Variants in NCAM2 observed in about 807,000 individuals in gnomAD.
The protein encoded by NCAM2 is neural cell adhesion molecule 2, also known as N-CAM-2.
Under a neutral mutation model 98.1 loss-of-function variants are expected in NCAM2, and 30 were observed. The ratio of observed to expected loss-of-function variants is 0.31; its 90% CI spans 0.23 to 0.41. The LOEUF is 0.41. Ranked by LOEUF, NCAM2 falls within the 10% of genes least tolerant of loss-of-function variation. NCAM2 has a pLI of 1.00. For synonymous variants in NCAM2, 368 were observed against 342.4 expected, an observed-to-expected ratio of 1.07 and a Z score of -0.83; for missense variants, 867 against 1,005.8, an observed-to-expected ratio of 0.86 and a Z score of 1.87.
At chr21:21,434,173 A>T (rs560689656) in intron 12 of NCAM2, among the ~76,000 whole-genome samples, 4 of 152,352 alleles carry the variant, frequency 2.6e-5, no homozygotes, top group Admixed American at 6.5e-5. Context: ...CACATTCGTT[A>T]CTTTGAAATG....
In NCAM2 at chr21:21,292,260, G is replaced by T. The variant is rs757639076; in HGVS notation, c.619+19G>T. 6.9e-6 allele frequency: 11 copies of T among 1,592,822 alleles called. No individual in the cohort carries two copies. The Admixed American group carries it at 1.9e-4, about 28-fold the overall frequency. On this transcript the variant is annotated intron_variant, in intron 5 of 17. Transcript: ENST00000400546. Reference sequence around the variant, plus strand: ...GTTAATGGTAAGCAGTAAATAATTTGTACATGTTTTATGGATTCATTTTAG... The same window carrying T: ...GTTAATGGTAAGCAGTAAATAATTTTTACATGTTTTATGGATTCATTTTAG...
chr21:21,314,290 G>T (rs904468517), intron 5 of NCAM2, among the ~76,000 whole-genome samples: 4 of 152,064 alleles, frequency 2.6e-5, no homozygotes, highest in Admixed American at 6.6e-5. Context: ...GCTTTGACAG[G>T]TGTGTTCTTT....
At chr21:21,022,324 A>G (rs2064454921) in intron 1 of NCAM2, among the ~76,000 whole-genome samples, 1 of 152,106 alleles carries the variant, frequency 6.6e-6, no homozygotes, top group Non-Finnish European at 1.5e-5. Context: ...CCTTCTCAAT[A>G]CTTTACTTCC....
chr21:21,530,254 A>ATATT (rs1400102213), intron 16 of NCAM2, among the ~76,000 whole-genome samples: 4 of 96,744 alleles, frequency 4.1e-5, no homozygotes, highest in African/African-American at 1.6e-4. Flanking sequence ...TTAATTATAT[A>ATATT]TAATTTAATT....
chr21:21,282,182 AAC>A (rs1336036813), intron 2 of NCAM2, among the ~76,000 whole-genome samples: 1 of 151,922 alleles, frequency 6.6e-6, no homozygotes, highest in Non-Finnish European at 1.5e-5. Flanking sequence ...CATAAATTAG[AAC>A]ACACGAATTG....
chr21:21,108,626 C>A (rs937178238), intron 1 of NCAM2, among the ~76,000 whole-genome samples: 1 of 151,960 alleles, frequency 6.6e-6, no homozygotes, highest in Non-Finnish European at 1.5e-5. Context: ...TTTTCAAATT[C>A]TAATTTGTTG....
intron 16 of NCAM2, among the ~76,000 whole-genome samples, chr21:21,521,127 C>G (rs945239612): frequency 2.0e-5 from 3 of 152,150 alleles, no homozygotes; most frequent in South Asian, 2.1e-4. Context: ...TGGAAATAGC[C>G]AACACCACCC....
At chr21:21,529,959 A>G (rs1989532836) in intron 16 of NCAM2, among the ~76,000 whole-genome samples, 1 of 150,402 alleles carries the variant, frequency 6.6e-6, no homozygotes, top group African/African-American at 2.4e-5. Context: ...CTCTCTGTTG[A>G]TAAAACATAA....
intron 1 of NCAM2, among the ~76,000 whole-genome samples, chr21:21,068,616 T>A (rs62207580): frequency 6.6e-6 from 1 of 151,828 alleles, no homozygotes; most frequent in Non-Finnish European, 1.5e-5. Context: ...TGTGCCACCA[T>A]GCCTGGCTAA....
intron 1 of NCAM2, among the ~76,000 whole-genome samples, chr21:21,080,550 A>G (rs1360763782): frequency 6.9e-6 from 1 of 144,670 alleles, no homozygotes; most frequent in East Asian, 2.2e-4. Context: ...TGGGATGTGG[A>G]GGTTGTAGTG....
intron 1 of NCAM2, among the ~76,000 whole-genome samples, chr21:21,199,436 T>C (rs2147011377): frequency 6.6e-6 from 1 of 152,276 alleles, no homozygotes; most frequent in East Asian, 1.9e-4. Context: ...AAAAACCTCA[T>C]GACTGAGCTT....
intron 1 of NCAM2, among the ~76,000 whole-genome samples, chr21:21,125,498 T>C (rs1424952012): frequency 9.3e-6 from 1 of 107,652 alleles, no homozygotes; most frequent in Admixed American, 1.1e-4. Context: ...ATATATGTAA[T>C]ATGTAATATT....
At chr21:21,442,388 G>A (rs926103591) in intron 12 of NCAM2, among the ~76,000 whole-genome samples, 1 of 152,064 alleles carries the variant, frequency 6.6e-6, no homozygotes, top group Non-Finnish European at 1.5e-5. Context: ...GGAAATAAAC[G>A]AAATAAAGAA....
chr21:21,305,767 A>G (rs2073860797), intron 5 of NCAM2, among the ~76,000 whole-genome samples: 1 of 151,652 alleles, frequency 6.6e-6, no homozygotes, highest in African/African-American at 2.4e-5. Context: ...GATCTTTATT[A>G]TTTTATCTTT....
intron 5 of NCAM2, among the ~76,000 whole-genome samples, chr21:21,298,620 TAGATAGATAGATGATA>T (rs1435256230): frequency 5.1e-5 from 6 of 116,898 alleles, no homozygotes; most frequent in African/African-American, 1.4e-4. Context: ...GATAGATAGA[TAGATAGATAGATGATA>T]GATAGAGATA....
rs149497540 is a variant in NCAM2, at chr21:21,524,485, G to A, written c.2283-10052G>A. On this transcript the variant is annotated intron_variant, in intron 16 of 17. Transcript: ENST00000400546. ...GCAGAGGTTGCTGTGAGCTGAGATC[G>A]GGCAATTGCACTCCAGCCTATACAA... is the stretch of plus-strand genomic sequence containing the variant. 1.4e-3 allele frequency among the ~76,000 whole-genome samples: 205 copies of A among 150,216 alleles called. 2 individuals carry two copies. Among genetic ancestry groups the A allele is most frequent in the South Asian group, 6.5e-3 (31 of 4,738 alleles).
chr21:21,146,900 G>A (rs899942586), intron 1 of NCAM2, among the ~76,000 whole-genome samples: 3 of 150,964 alleles, frequency 2.0e-5, no homozygotes, highest in African/African-American at 7.4e-5. Flanking sequence ...CTGAAATCTC[G>A]CGCCCTGTCC....
chr21:21,042,528 T>C (rs1037968380), intron 1 of NCAM2, among the ~76,000 whole-genome samples: 8 of 152,158 alleles, frequency 5.3e-5, no homozygotes, highest in African/African-American at 1.9e-4. Flanking sequence ...GCCTCATTTT[T>C]CTGAATTTAG....
chr21:21,179,682 C>A (rs980098346), intron 1 of NCAM2, among the ~76,000 whole-genome samples: 1 of 152,116 alleles, frequency 6.6e-6, no homozygotes, highest in African/African-American at 2.4e-5. Flanking sequence ...GTAAACATCT[C>A]TGGTTAATAT....
Sources: gnomAD v4.1 joint callset for allele counts (sites outside exome capture counted in the v4.1 genomes callset) on GRCh38, gnomAD v4.1.1 for gene constraint, MANE v1.5 for transcripts, NCBI Gene and HGNC (gene_info 2026-07-23, HGNC 2026-07-21) for gene names.